Variants in SLIT1 observed in about 807,000 individuals in gnomAD.
SLIT1 encodes slit homolog 1 protein.
Under a neutral mutation model 186.1 loss-of-function variants are expected in SLIT1, and 66 were observed. That is an observed-to-expected ratio of 0.35 (90% CI 0.29 to 0.44). SLIT1 has a LOEUF of 0.44. Ranked by LOEUF, SLIT1 falls within the 20% of genes least tolerant of loss-of-function variation. The pLI is 1.00. For synonymous variants in SLIT1, 761 were observed against 833.8 expected (o/e 0.91, Z 1.50); for missense variants, 1,638 against 2,037.4 (o/e 0.80, Z 3.77).
chr10:97,013,618 G>GGGTCTCAGCTCT, intron 30 of SLIT1, 123 bp downstream of exon 30: 1 of 719,348 alleles, frequency 1.4e-6, no homozygotes, highest in Non-Finnish European at 2.4e-6. Context: ...GAACCCTGTA[G>GGGTCTCAGCTCT]AGCTGAGACC....
intron 25 of SLIT1, among the ~76,000 whole-genome samples, chr10:97,023,115 G>T (rs532858683): frequency 1.3e-5 from 2 of 151,438 alleles, no homozygotes; most frequent in Admixed American, 6.6e-5. Flanking sequence ...GCAGTGGTAC[G>T]ATCTCAGCTC....
In SLIT1 at chr10:97,010,982, G is replaced by A. The variant is rs779788808; in HGVS notation, c.3341+11C>T. The stretch of plus-strand genomic sequence containing the variant: ...AAGGAGTCACTCCTAGTGTGTCCAG[G>A]GGCTGCTCACCTGTAGCCCTCAGCA... On this transcript the variant is annotated intron_variant, in intron 31 of 36. Coordinates refer to ENST00000266058, the MANE Select transcript of SLIT1 (RefSeq NM_003061.3). This position sits in a 1 kb window ranked among gnomAD's most constrained non-coding sequence, Gnocchi z 4.8. 4 of 1,613,522 alleles carry A rather than the reference G, an allele frequency of 2.5e-6. No individual in the cohort carries two copies. Among genetic ancestry groups the A allele is most frequent in the Non-Finnish European group, 3.4e-6 (4 of 1,179,600 alleles).
intron 36 of SLIT1, 43 bp downstream of exon 36, chr10:97,002,115 T>TG: frequency 5.4e-6 from 7 of 1,289,386 alleles, no homozygotes; most frequent in Non-Finnish European, 6.2e-6. Context: ...AAGCAATTTG[T>TG]GGGGGACCCT....
intron 4 of SLIT1, among the ~76,000 whole-genome samples, chr10:97,110,081 T>A (rs1033219780): frequency 6.6e-6 from 1 of 152,180 alleles, no homozygotes; most frequent in Non-Finnish European, 1.5e-5. Flanking sequence ...AGATTTTACT[T>A]TTAAAATATT....
intron 31 of SLIT1, among the ~76,000 whole-genome samples, chr10:97,008,077 A>C (rs1430466431): frequency 2.0e-5 from 3 of 152,106 alleles, no homozygotes; most frequent in Non-Finnish European, 4.4e-5. Context: ...GAAGGAGGAA[A>C]GGAAAGATAA....
chr10:97,079,077 T>C (rs1849077221), intron 4 of SLIT1, among the ~76,000 whole-genome samples: 1 of 152,184 alleles, frequency 6.6e-6, no homozygotes, highest in Admixed American at 6.5e-5. Context: ...GCCCTACCAT[T>C]TACTGCCTGT....
rs534256239 is a variant in SLIT1 at position 97,025,853 on chromosome 10, A to T, written c.2583-4440T>A. ...TGGCTGTCTTACAAGTCACAGAATC[A>T]TCCATCCCACTCCTAGGCGATCTAT... On this transcript the variant is annotated intron_variant, in intron 25 of 36. Transcript: ENST00000266058. 6.6e-5 allele frequency among the ~76,000 whole-genome samples: 10 copies of T among 152,250 alleles called. No individual in the cohort carries two copies. In the East Asian group the frequency reaches 1.4e-3, roughly 21 times the overall value.
At chr10:97,082,747 A>G (rs1849118085) in intron 4 of SLIT1, among the ~76,000 whole-genome samples, 2 of 152,136 alleles carry the variant, frequency 1.3e-5, no homozygotes, top group East Asian at 1.9e-4. Flanking sequence ...TTTAGTTCTT[A>G]AAACAACCTC....
intron 4 of SLIT1, chr10:97,155,516 T>C (rs1469682534): frequency 6.6e-6 from 1 of 152,188 alleles, no homozygotes; most frequent in East Asian, 1.9e-4. Flanking sequence ...AAAATGAATA[T>C]GGCTGGAGAT....
chr10:97,109,783 A>G (rs965488797), intron 4 of SLIT1, among the ~76,000 whole-genome samples: 2 of 152,178 alleles, frequency 1.3e-5, no homozygotes, highest in East Asian at 3.8e-4. Context: ...TAGCACATTA[A>G]AGAGAAACAT....
intron 4 of SLIT1, among the ~76,000 whole-genome samples, chr10:97,132,356 G>T (rs1173918244): frequency 6.6e-6 from 1 of 152,172 alleles, no homozygotes; most frequent in Non-Finnish European, 1.5e-5. Context: ...CAGATTTTAG[G>T]ATTGCAGCAC....
At chr10:97,165,077 C>A (rs1453980428) in intron 1 of SLIT1, among the ~76,000 whole-genome samples, 187 bp from the exon 2 acceptor site, 1 of 152,142 alleles carries the variant, frequency 6.6e-6, no homozygotes, top group Non-Finnish European at 1.5e-5. Context: ...TGACATCCAA[C>A]CCACTGGAAC....
At chr10:97,003,897 G>T (rs1266189987) in intron 34 of SLIT1, among the ~76,000 whole-genome samples, 171 bp downstream of exon 34, 2 of 152,232 alleles carry the variant, frequency 1.3e-5, no homozygotes, top group African/African-American at 4.8e-5. Context: ...GTCTGGGCTA[G>T]GCAGAGAGCA....
chr10:97,012,075 TACACACACACACACACACACAC>T (rs35171328), intron 30 of SLIT1, among the ~76,000 whole-genome samples: 28 of 130,920 alleles, frequency 2.1e-4, no homozygotes, highest in East Asian at 8.8e-4. Context: ...TCAAGCCCAG[TACACACACACACACACACACAC>T]ACACACACAC....
chr10:97,083,722 T>A (rs1849128590), intron 4 of SLIT1, among the ~76,000 whole-genome samples: 1 of 152,180 alleles, frequency 6.6e-6, no homozygotes, highest in African/African-American at 2.4e-5. Context: ...CCAGAATTCC[T>A]ATGAGTGTCT....
chr10:97,173,859 G>A (rs549301861), intron 1 of SLIT1, among the ~76,000 whole-genome samples: 101 of 152,348 alleles, frequency 6.6e-4, no homozygotes, highest in African/African-American at 1.6e-3. Context: ...TGGGGCTCCT[G>A]AAGGGCGAAG....
chr10:97,116,734 G>C (rs1849513514), intron 4 of SLIT1, among the ~76,000 whole-genome samples: 1 of 152,184 alleles, frequency 6.6e-6, no homozygotes, highest in Admixed American at 6.5e-5. Flanking sequence ...CTGGGGGTGG[G>C]AGAGCCTGTC....
rs1491382912 is a variant in SLIT1, at chr10:97,166,643, AGG to A, written c.198-1755_198-1754del. 5.4e-5 allele frequency among the ~76,000 whole-genome samples: 8 copies of A among 147,092 alleles called. No individual in the cohort carries two copies. The East Asian group carries it at 1.6e-3, about 30-fold the overall frequency. ...AGAAAGAGAAAAGAAAAGAAAAGAA[AGG>A]AAAGGAAAAGAAAAGAAAAGAGAAA... On this transcript the variant is annotated intron_variant, in intron 1 of 36. Transcript: ENST00000266058.
intron 1 of SLIT1, among the ~76,000 whole-genome samples, chr10:97,176,538 A>G (rs576793950): frequency 3.3e-5 from 5 of 151,948 alleles, no homozygotes; most frequent in Non-Finnish European, 7.4e-5. Flanking sequence ...TCCTCTGCAA[A>G]CTTCCTTACC....
Sources: allele counts gnomAD v4.1 joint callset (sites outside exome capture counted in the v4.1 genomes callset), GRCh38; gene constraint gnomAD v4.1.1; non-coding constraint Gnocchi (gnomAD v3.1); transcripts MANE v1.5; gene names NCBI Gene and HGNC (gene_info 2026-07-23, HGNC 2026-07-21).